The following SYN3 variants were observed in gnomAD, a reference collection of about 807,000 sequenced individuals.
The protein encoded by SYN3 is synapsin III, also known as synapsin-3.
SYN3 carries 35 observed loss-of-function variants against 65.8 expected under a neutral mutation model. The observed-to-expected ratio is 0.53, with a 90% CI of 0.41 to 0.70. The LOEUF is 0.70. SYN3 is among the 30% of genes least tolerant of loss of function. The pLI, the probability that SYN3 is intolerant of heterozygous loss-of-function variation, is 0.00. For synonymous variants in SYN3, 270 were observed against 292.9 expected (o/e 0.92, Z 0.80); for missense variants, 680 against 749.0 (o/e 0.91, Z 1.08).
chr22:32,885,685 C>G (rs80690), intron 4 of SYN3, among the ~76,000 whole-genome samples: 2 of 151,912 alleles, frequency 1.3e-5, no homozygotes, highest in African/African-American at 2.4e-5. Flanking sequence ...CTCAGCCTCC[C>G]GAGTAGCTGG....
At chr22:32,922,838 G>C (rs1244276565) in intron 4 of SYN3, among the ~76,000 whole-genome samples, 2 of 152,136 alleles carry the variant, frequency 1.3e-5, no homozygotes, top group African/African-American at 4.8e-5. Context: ...AGTTGGGGAG[G>C]GGGTCACCTC....
intron 6 of SYN3, among the ~76,000 whole-genome samples, chr22:32,786,029 T>G (rs993567907): frequency 1.3e-5 from 2 of 149,784 alleles, no homozygotes; most frequent in Admixed American, 1.3e-4. Context: ...AAAAAAAAAA[T>G]ACAGCATTCT....
chr22:33,057,012 C>T (rs1389893247), intron 1 of SYN3, among the ~76,000 whole-genome samples: 1 of 152,212 alleles, frequency 6.6e-6, no homozygotes, highest in African/African-American at 2.4e-5. Flanking sequence ...AAATGATGTG[C>T]AGGCTGCAGA....
intron 6 of SYN3, among the ~76,000 whole-genome samples, chr22:32,821,831 C>G (rs1208500688): frequency 1.3e-5 from 2 of 152,222 alleles, no homozygotes; most frequent in Non-Finnish European, 2.9e-5. Flanking sequence ...CCGTCACTCA[C>G]TGCCTTCCAC....
At chr22:32,742,131 C>G (rs1350307841) in intron 6 of SYN3, among the ~76,000 whole-genome samples, 2 of 152,078 alleles carry the variant, frequency 1.3e-5, no homozygotes, top group East Asian at 3.9e-4. Context: ...AAAAAATTAG[C>G]CGGGCATGGT....
At chr22:32,791,916 T>C (rs1008390699) in intron 6 of SYN3, among the ~76,000 whole-genome samples, 1 of 152,086 alleles carries the variant, frequency 6.6e-6, no homozygotes, top group Non-Finnish European at 1.5e-5. Context: ...CCATCCCTTC[T>C]TTGAGTATTA....
chr22:33,030,844 C>T (rs1219430540), intron 1 of SYN3, among the ~76,000 whole-genome samples: 3 of 151,138 alleles, frequency 2.0e-5, no homozygotes, highest in Non-Finnish European at 2.9e-5. Context: ...GAGATAGTGA[C>T]GGAGATAGAG....
At chr22:32,708,628 G>A (rs562663426) in intron 6 of SYN3, among the ~76,000 whole-genome samples, 2 of 152,262 alleles carry the variant, frequency 1.3e-5, no homozygotes, top group Non-Finnish European at 2.9e-5. Context: ...AGAGAGGGCT[G>A]CCCCATTCAT....
At chr22:32,983,151 C>T (rs1223016285) in intron 2 of SYN3, among the ~76,000 whole-genome samples, 1 of 152,100 alleles carries the variant, frequency 6.6e-6, no homozygotes, top group African/African-American at 2.4e-5. Flanking sequence ...TTCCATAAAC[C>T]TTCTCTGGGA....
At chr22:32,905,947 G>A (rs2049890361) in intron 4 of SYN3, among the ~76,000 whole-genome samples, 1 of 152,222 alleles carries the variant, frequency 6.6e-6, no homozygotes, top group Admixed American at 6.5e-5. Context: ...GAGAGGTGCA[G>A]CAGGTTTGGT....
chr22:32,955,485 C>A (rs145131803), intron 3 of SYN3, among the ~76,000 whole-genome samples: 8 of 152,254 alleles, frequency 5.3e-5, no homozygotes, highest in African/African-American at 1.9e-4. Flanking sequence ...GGCCTTGATG[C>A]ACTTGCTTGA....
chr22:32,757,812 G>A (rs899206726), intron 6 of SYN3, among the ~76,000 whole-genome samples: 1 of 152,144 alleles, frequency 6.6e-6, no homozygotes. Context: ...CCCAATCCAG[G>A]CAGGACTACA....
chr22:32,629,324 C>T (rs2059714022), intron 6 of SYN3, among the ~76,000 whole-genome samples: 1 of 152,162 alleles, frequency 6.6e-6, no homozygotes, highest in Non-Finnish European at 1.5e-5. Context: ...AGGAGAGAGG[C>T]CCAGATGCCA....
chr22:32,961,381 A>G lies in SYN3; in HGVS notation c.369+19264T>C, dbSNP rs141498525. Among the ~76,000 whole-genome samples the G allele has an allele frequency of 2.3e-3, 352 of 152,250 alleles. 1 individual carries two copies. Among genetic ancestry groups the G allele is most frequent in the South Asian group, 4.4e-3 (21 of 4,812 alleles). On this transcript the variant is annotated intron_variant, in intron 3 of 13. Coordinates refer to ENST00000358763, the MANE Select transcript of SYN3 (RefSeq NM_003490.4). ...TCCAAGGATGCCCAACAGTTCACAG[A>G]GTACCCAGGTACCTCTGTGGTAAAG...
chr22:32,992,906 T>C (rs2052763703), intron 2 of SYN3, among the ~76,000 whole-genome samples: 1 of 152,222 alleles, frequency 6.6e-6, no homozygotes, highest in South Asian at 2.1e-4. Flanking sequence ...CCGTGTGGCC[T>C]GTCCTGTATC....
chr22:32,690,825 T>C (rs2147153572), intron 6 of SYN3, among the ~76,000 whole-genome samples: 1 of 152,260 alleles, frequency 6.6e-6, no homozygotes, highest in Admixed American at 6.5e-5. Context: ...TTTACCTTCA[T>C]TTCTTCTGCC....
intron 10 of SYN3, 117 bp from the exon 11 acceptor site, chr22:32,529,125 T>G: frequency 7.7e-7 from 1 of 1,301,664 alleles, no homozygotes. Context: ...CAGATGGCGA[T>G]GTCCTCCATG....
chr22:33,050,296 A>T (rs530113900), intron 1 of SYN3, among the ~76,000 whole-genome samples: 2 of 152,104 alleles, frequency 1.3e-5, no homozygotes, highest in African/African-American at 4.8e-5. Flanking sequence ...AGCCTGGCCA[A>T]CATATTGAAA....
chr22:32,576,654 C>T (rs1162571110), intron 7 of SYN3, among the ~76,000 whole-genome samples: 1 of 152,140 alleles, frequency 6.6e-6, no homozygotes, highest in Non-Finnish European at 1.5e-5. Context: ...CAGTCAGTTC[C>T]CAAATTCATT....
Sources: allele counts gnomAD v4.1 joint callset (sites outside exome capture counted in the v4.1 genomes callset), GRCh38; gene constraint gnomAD v4.1.1; transcripts MANE v1.5; gene names NCBI Gene and HGNC (gene_info 2026-07-23, HGNC 2026-07-21).